HOMER1: variants seen among roughly 807,000 people sequenced by gnomAD.
HOMER1 encodes homer scaffold protein 1.
Under a neutral mutation model 48.9 loss-of-function variants are expected in HOMER1, and 3 were observed. The observed-to-expected ratio is 0.06, with a 90% CI of 0.03 to 0.16. HOMER1 has a LOEUF of 0.16. HOMER1 is among the 10% of genes least tolerant of loss of function. HOMER1 has a pLI of 1.00. For missense variants in HOMER1, 247 were observed against 411.4 expected, an observed-to-expected ratio of 0.60 and a Z score of 3.46; for synonymous variants, 134 against 146.4, an observed-to-expected ratio of 0.92 and a Z score of 0.61.
chr5:79,428,752 A>G (rs1750341211), intron 5 of HOMER1, among the ~76,000 whole-genome samples: 2 of 152,206 alleles, frequency 1.3e-5, no homozygotes, highest in South Asian at 2.1e-4. Context: ...TCTGAAAACC[A>G]AACAACATCA....
chr5:79,444,977 C>T (rs1339677699), intron 4 of HOMER1, among the ~76,000 whole-genome samples: 1 of 151,942 alleles, frequency 6.6e-6, no homozygotes, highest in Non-Finnish European at 1.5e-5. Context: ...CCAGAGTACA[C>T]CTTTAGTCTA....
At chr5:79,444,406 A>C (rs1352552456) in intron 4 of HOMER1, among the ~76,000 whole-genome samples, 3 of 152,208 alleles carry the variant, frequency 2.0e-5, no homozygotes, top group Non-Finnish European at 2.9e-5. Context: ...TGGCTTCTGT[A>C]TATTAAATTG....
intron 1 of HOMER1, among the ~76,000 whole-genome samples, chr5:79,489,924 G>A (rs1188193347): frequency 6.6e-6 from 1 of 152,190 alleles, no homozygotes; most frequent in Non-Finnish European, 1.5e-5. Flanking sequence ...TCATAGAGGG[G>A]ACATATGAAG....
chr5:79,386,802 G>A (rs1485691752), intron 8 of HOMER1, among the ~76,000 whole-genome samples: 2 of 152,128 alleles, frequency 1.3e-5, no homozygotes. Context: ...CTACTGGGCA[G>A]GAGGTTATGC....
chr5:79,377,800 A>G (rs2112182224), intron 8 of HOMER1, among the ~76,000 whole-genome samples: 1 of 152,346 alleles, frequency 6.6e-6, no homozygotes, highest in Non-Finnish European at 1.5e-5. Flanking sequence ...TTAATGTAGA[A>G]ATAGGAAATA....
intron 8 of HOMER1, among the ~76,000 whole-genome samples, chr5:79,385,842 C>CAAAAAAAAAAAAAAAAAA (rs33968519): frequency 1.4e-5 from 1 of 70,794 alleles, no homozygotes; most frequent in African/African-American, 5.8e-5. Context: ...GACTCTGTCT[C>CAAAAAAAAAAAAAAAAAA]AAAAAAAAAA....
intron 1 of HOMER1, among the ~76,000 whole-genome samples, chr5:79,488,788 T>G (rs772612379): frequency 6.6e-6 from 1 of 152,230 alleles, no homozygotes; most frequent in Non-Finnish European, 1.5e-5. Context: ...TACCTAAATC[T>G]TAAAGCTAGA....
At chr5:79,421,345 T>G (rs939394152) in intron 5 of HOMER1, among the ~76,000 whole-genome samples, 3 of 152,238 alleles carry the variant, frequency 2.0e-5, no homozygotes, top group Non-Finnish European at 2.9e-5. Context: ...TTCAGAAACA[T>G]AAGCTTAACT....
chr5:79,376,601 A>G (rs1425937483), intron 8 of HOMER1, among the ~76,000 whole-genome samples: 2 of 152,186 alleles, frequency 1.3e-5, no homozygotes, highest in Non-Finnish European at 2.9e-5. Flanking sequence ...AAAGAAAAAG[A>G]AATTAACTTT....
chr5:79,428,303 A>G (rs1216308787), intron 5 of HOMER1, among the ~76,000 whole-genome samples: 1 of 152,220 alleles, frequency 6.6e-6, no homozygotes, highest in African/African-American at 2.4e-5. Context: ...TCACCCTGAT[A>G]AAGAGCATCT....
intron 5 of HOMER1, among the ~76,000 whole-genome samples, chr5:79,430,448 T>C (rs1375498260): frequency 6.6e-6 from 1 of 152,210 alleles, no homozygotes; most frequent in Non-Finnish European, 1.5e-5. Context: ...CACAGCTGCT[T>C]TGCAGTTCCT....
At chr5:79,440,452 C>T (rs1377275396) in intron 4 of HOMER1, among the ~76,000 whole-genome samples, 1 of 152,178 alleles carries the variant, frequency 6.6e-6, no homozygotes, top group Admixed American at 6.5e-5. Context: ...CACATTATCA[C>T]TTAACTATTT....
intron 5 of HOMER1, among the ~76,000 whole-genome samples, chr5:79,412,420 A>T (rs796798897): frequency 2.0e-5 from 3 of 152,348 alleles, no homozygotes; most frequent in African/African-American, 7.2e-5. Context: ...TGTGTTTATA[A>T]GCTTATTCCT....
At chr5:79,435,011 A>T (rs1187742219) in intron 5 of HOMER1, among the ~76,000 whole-genome samples, 1 of 152,224 alleles carries the variant, frequency 6.6e-6, no homozygotes, top group Non-Finnish European at 1.5e-5. Flanking sequence ...GAGGGCAGAG[A>T]TGAAACAAGA....
intron 1 of HOMER1, among the ~76,000 whole-genome samples, chr5:79,486,079 G>A (rs142426621): frequency 0.019 from 2,835 of 152,280 alleles, 188 homozygotes; most frequent in Admixed American, 0.13. Context: ...GCAGCCTGTG[G>A]AGAGGAATCA....
In HOMER1 at chr5:79,487,140, G is replaced by A. The variant is rs138609641; in HGVS notation, c.5+25630C>T. On this transcript the variant is annotated intron_variant, in intron 1 of 8. Coordinates refer to ENST00000334082, the MANE Select transcript of HOMER1 (RefSeq NM_004272.5). ...CTAAAAATACAAAAATTAGCCAAGC[G>A]TGGTGGCGCACGCCTGTAGTCCCAG... 5.2e-3 allele frequency among the ~76,000 whole-genome samples: 789 copies of A among 152,204 alleles called. 6 individuals are homozygous for A. The highest frequency in any genetic ancestry group is 0.018 in the African/African-American group (741 of 41,516).
chr5:79,394,196 T>TCAACTCTAAATACTAATC (rs1227745896), intron 8 of HOMER1, among the ~76,000 whole-genome samples: 1 of 152,160 alleles, frequency 6.6e-6, no homozygotes, highest in Non-Finnish European at 1.5e-5. Context: ...CTATCCACAT[T>TCAACTCTAAATACTAATC]CAACTCTAAA....
chr5:79,465,581 C>CTTTT (rs1195158421), intron 1 of HOMER1, among the ~76,000 whole-genome samples: 1 of 90,410 alleles, frequency 1.1e-5, no homozygotes, highest in African/African-American at 5.0e-5. Context: ...GTTTACATTT[C>CTTTT]TTCTTTTTTT....
rs568125943 is a variant in HOMER1 at position 79,506,939 on chromosome 5, C to T, written c.5+5831G>A. On this transcript the variant is annotated intron_variant, in intron 1 of 8. Transcript: ENST00000334082. ...AAAGTTTTACCTACTCTTGGCAGGG[C>T]GCGGTGGCTCATGCCTGTAATCCCA... 1.1e-4 allele frequency among the ~76,000 whole-genome samples: 16 copies of T among 152,090 alleles called. No individual in the cohort carries two copies. In the East Asian group the frequency reaches 1.7e-3, roughly 17 times the overall value.
Sources: gnomAD v4.1 joint callset for allele counts (sites outside exome capture counted in the v4.1 genomes callset) on GRCh38, gnomAD v4.1.1 for gene constraint, MANE v1.5 for transcripts, NCBI Gene and HGNC (gene_info 2026-07-23, HGNC 2026-07-21) for gene names.